DMD: variants seen among roughly 807,000 people sequenced by gnomAD.
DMD encodes the protein mutant dystrophin.
Under a neutral mutation model 330.1 loss-of-function variants are expected in DMD, and 63 were observed. That is an observed-to-expected ratio of 0.19 (90% CI 0.16 to 0.24). The LOEUF (loss-of-function observed/expected upper bound fraction) is 0.24, where lower values mean the gene tolerates loss of function less well. DMD is among the 10% of genes least tolerant of loss of function. DMD has a pLI of 1.00. For synonymous variants in DMD, 1,223 were observed against 959.8 expected (o/e 1.27, Z -5.07); for missense variants, 3,344 against 2,684.1 (o/e 1.25, Z -5.43).
chrX:31,239,290 G>T (rs2048023980), intron 63 of DMD, among the ~76,000 whole-genome samples: 1 of 111,964 alleles, frequency 8.9e-6, no homozygotes, highest in African/African-American at 3.2e-5. Context: ...TAAATAATTT[G>T]GGAAATTTTA....
chrX:33,162,546 G>GAATACTTGA (rs778601031), intron 1 of DMD, among the ~76,000 whole-genome samples: 8 of 111,601 alleles, frequency 7.2e-5, no homozygotes, highest in African/African-American at 2.6e-4. Context: ...AAAAAGGGAC[G>GAATACTTGA]AATACTTGAA....
chrX:31,769,398 C>T (rs1024918758), intron 51 of DMD, among the ~76,000 whole-genome samples: 6 of 112,030 alleles, frequency 5.4e-5, no homozygotes, highest in African/African-American at 1.9e-4. Context: ...AATTACTGTA[C>T]GTGTCATGGT....
intron 44 of DMD, among the ~76,000 whole-genome samples, chrX:32,129,039 C>T (rs898594205): frequency 1.5e-4 from 17 of 111,671 alleles, no homozygotes; most frequent in African/African-American, 5.5e-4. Flanking sequence ...AAATTAAATA[C>T]CAAGGACAGT....
chrX:32,578,484 C>T (rs756291220), intron 13 of DMD, among the ~76,000 whole-genome samples: 17 of 112,029 alleles, frequency 1.5e-4, no homozygotes, highest in African/African-American at 4.5e-4. Context: ...AGATCCACAA[C>T]GGGGAGGATT....
chrX:33,293,601 G>T (rs2053544318), intron 1 of DMD, among the ~76,000 whole-genome samples: 1 of 110,876 alleles, frequency 9.0e-6, no homozygotes, highest in Non-Finnish European at 1.9e-5. Flanking sequence ...ATCATACCTA[G>T]CTGCAATGGA....
chrX:31,884,088 G>A (rs1244875670), intron 47 of DMD, among the ~76,000 whole-genome samples: 2 of 111,600 alleles, frequency 1.8e-5, no homozygotes, highest in Non-Finnish European at 3.8e-5. Context: ...CAGTATGGAA[G>A]ATCCACAAAA....
At position 32,511,415 on chromosome X, in the gene DMD, G is replaced by A. The variant is rs192832525; in HGVS notation, c.2292+6593C>T. Reference sequence around the variant, plus strand: ...CACGTGCCTGTAGTCCCAGCTACTCGGGAGGCTGAGGCAGGAGAATCGCTT... The same window carrying A: ...CACGTGCCTGTAGTCCCAGCTACTCAGGAGGCTGAGGCAGGAGAATCGCTT... On this transcript the variant is annotated intron_variant, in intron 18 of 78. Coordinates refer to ENST00000357033, the MANE Select transcript of DMD (RefSeq NM_004006.3). Among the ~76,000 whole-genome samples the A allele has an allele frequency of 1.3e-3, 137 of 106,177 alleles. 1 individual carries two copies. The highest frequency in any genetic ancestry group is 4.2e-3 in the African/African-American group (122 of 29,074). 92.2% of individuals were successfully genotyped at this position (106,177 alleles called of 115,157 possible).
rs748752465 is a variant in DMD, at chrX:32,816,519, G to T, written c.479C>A (p.Thr160Asn). 5.8e-6 allele frequency: 7 copies of T among 1,211,571 alleles called. No individual in the cohort carries two copies. The Admixed American group carries it at 1.5e-4, about 26-fold the overall frequency. Residue 160 changes from threonine (T) to asparagine (N), a missense_variant, in exon 6 of 79, where the codon ACC (threonine) becomes AAC (asparagine). Transcript: ENST00000357033. ...AGCCAGGCCATCAGACCAGCTGGTG[G>T]TGAAGTTGATTACATTAACCTGTGG... ...NYPQVNVINF[T>N]TSWSDGLALN...
At chrX:32,958,704 G>A (rs1198923821) in intron 2 of DMD, among the ~76,000 whole-genome samples, 1 of 110,921 alleles carries the variant, frequency 9.0e-6, no homozygotes, top group Non-Finnish European at 1.9e-5. Flanking sequence ...CCTTTCATAT[G>A]TGTACAAAAT....
intron 43 of DMD, among the ~76,000 whole-genome samples, chrX:32,247,068 T>C (rs1388404654): frequency 8.9e-6 from 1 of 111,890 alleles, no homozygotes; most frequent in East Asian, 2.8e-4. Flanking sequence ...GAACCAAGTT[T>C]GAAAACGATT....
chrX:32,984,316 G>T (rs12849215), intron 2 of DMD, among the ~76,000 whole-genome samples: 4 of 112,220 alleles, frequency 3.6e-5, no homozygotes, highest in Admixed American at 1.9e-4. Flanking sequence ...GCGCAATGGC[G>T]CCATCTCGGC....
chrX:33,313,989 A>ATG (rs371333772), intron 1 of DMD, among the ~76,000 whole-genome samples: 46 of 108,012 alleles, frequency 4.3e-4, no homozygotes, highest in South Asian at 1.2e-3. Context: ...TGTCATATAT[A>ATG]TGTGTGTGTG....
At chrX:32,201,804 C>T (rs750156993) in intron 44 of DMD, among the ~76,000 whole-genome samples, 83 of 110,702 alleles carry the variant, frequency 7.5e-4, no homozygotes, top group African/African-American at 2.6e-3. Flanking sequence ...CAAAGTCATT[C>T]GCTTATCTGT....
chrX:32,491,259 A>T lies in DMD; in HGVS notation c.2622+18T>A. 8.3e-7 allele frequency: 1 copy of T among 1,210,652 alleles called. No individual in the cohort carries two copies. ...ACCTATTGATTATGCTCCAAATGGA[A>T]GGAGAAGAGATTCTTACCTTACAAA... On this transcript the variant is annotated intron_variant, in intron 20 of 78. Coordinates refer to ENST00000357033, the MANE Select transcript of DMD (RefSeq NM_004006.3).
At chrX:32,291,178 C>T (rs1408983) in intron 42 of DMD, among the ~76,000 whole-genome samples, 2 of 111,232 alleles carry the variant, frequency 1.8e-5, no homozygotes, top group African/African-American at 3.3e-5. Flanking sequence ...ACTTCAGTAG[C>T]TAATGGGGAA....
intron 77 of DMD, among the ~76,000 whole-genome samples, chrX:31,132,680 T>G (rs1442447118): frequency 1.8e-5 from 2 of 111,199 alleles, no homozygotes; most frequent in Non-Finnish European, 3.8e-5. Flanking sequence ...TTGTCATTTC[T>G]TCTTTCCATC....
intron 29 of DMD, among the ~76,000 whole-genome samples, chrX:32,418,663 G>C (rs777167953): frequency 9.0e-6 from 1 of 110,887 alleles, no homozygotes; most frequent in Admixed American, 9.6e-5. Context: ...AATTATTTAA[G>C]GACCACTAAG....
chrX:32,270,611 T>C (rs1223806648), intron 43 of DMD, among the ~76,000 whole-genome samples: 1 of 111,515 alleles, frequency 9.0e-6, no homozygotes. Flanking sequence ...CTTTGACAAT[T>C]GACTATGGAT....
chrX:31,688,879 T>C (rs888814263), intron 52 of DMD, among the ~76,000 whole-genome samples: 25 of 111,954 alleles, frequency 2.2e-4, no homozygotes, highest in Non-Finnish European at 4.3e-4. Context: ...CACATGGTTA[T>C]CTCAATAGAT....
Sources: gnomAD v4.1 joint callset for allele counts (sites outside exome capture counted in the v4.1 genomes callset) on GRCh38, gnomAD v4.1.1 for gene constraint, MANE v1.5 for transcripts, NCBI Gene and HGNC (gene_info 2026-07-23, HGNC 2026-07-21) for gene names.